DNTT: variants seen among roughly 807,000 people sequenced by gnomAD.
DNTT encodes the protein nucleosidetriphosphate:DNA deoxynucleotidylexotransferase.
Under a neutral mutation model 60.9 loss-of-function variants are expected in DNTT, and 47 were observed. The ratio of observed to expected loss-of-function variants is 0.77; its 90% CI spans 0.61 to 0.98. The LOEUF is 0.98. Ranked by LOEUF, DNTT falls within the 50% of genes least tolerant of loss-of-function variation. The pLI is 0.00. For synonymous variants in DNTT, 224 were observed against 221.2 expected (o/e 1.01, Z -0.11); for missense variants, 665 against 627.5 (o/e 1.06, Z -0.64).
chr10:96,334,745 G>A (rs1048720780), intron 9 of DNTT, among the ~76,000 whole-genome samples: 6 of 152,204 alleles, frequency 3.9e-5, no homozygotes, highest in Non-Finnish European at 7.3e-5. Context: ...CAACTTGTCT[G>A]ATAGACATAA....
chr10:96,304,613 T>C lies in DNTT; in HGVS notation c.116T>C (p.Ile39Thr). 6.2e-7 allele frequency: 1 copy of C among 1,614,158 alleles called. No individual in the cohort carries two copies. The highest frequency in any genetic ancestry group is 8.5e-7 in the Non-Finnish European group (1 of 1,179,998). ...AAATTTCAAGATTTGGTCGTCTTCA[T>C]TTTGGAGAAGAAAATGGGAACCACC... is the stretch of plus-strand genomic sequence containing the variant. ...DIKFQDLVVF[I>T]LEKKMGTTRR... is the part of the protein sequence containing the mutation. Residue 39 changes from isoleucine to threonine, a missense_variant, in exon 1 of 11, where the codon ATT (isoleucine) becomes ACT (threonine). Coordinates refer to ENST00000371174, the MANE Select transcript of DNTT (RefSeq NM_004088.4).
At chr10:96,325,611 C>T (rs1171495974) in intron 6 of DNTT, among the ~76,000 whole-genome samples, 1 of 152,158 alleles carries the variant, frequency 6.6e-6, no homozygotes, top group Non-Finnish European at 1.5e-5. Flanking sequence ...CTTTTCCAAC[C>T]CTTTGAATGA....
intron 4 of DNTT, among the ~76,000 whole-genome samples, chr10:96,321,066 G>A (rs1844866131): frequency 6.6e-6 from 1 of 152,042 alleles, no homozygotes; most frequent in Admixed American, 6.6e-5. Flanking sequence ...GTTAGTGGTG[G>A]CAGGTGTCAG....
At chr10:96,319,640 A>G (rs889627696) in intron 3 of DNTT, among the ~76,000 whole-genome samples, 7 of 152,222 alleles carry the variant, frequency 4.6e-5, no homozygotes, top group African/African-American at 1.7e-4. Context: ...CTATTTACAG[A>G]TAGTTGTCAT....
chr10:96,322,468 A>G (rs1024695639), intron 4 of DNTT, among the ~76,000 whole-genome samples, 189 bp from the exon 5 acceptor site: 2 of 152,326 alleles, frequency 1.3e-5, no homozygotes, highest in African/African-American at 2.4e-5. Flanking sequence ...CCTTGGATAT[A>G]TGATGAGCTA....
At chr10:96,309,803 G>A (rs111862796) in intron 1 of DNTT, among the ~76,000 whole-genome samples, 40 of 152,314 alleles carry the variant, frequency 2.6e-4, no homozygotes, top group African/African-American at 9.4e-4. Context: ...ATCACTGCCA[G>A]GAGAATGTCC....
intron 6 of DNTT, 106 bp downstream of exon 6, chr10:96,324,495 T>C: frequency 1.3e-6 from 2 of 1,483,028 alleles, no homozygotes; most frequent in Non-Finnish European, 1.8e-6. Context: ...CTGGGACACT[T>C]CTTTGATGTC....
intron 8 of DNTT, among the ~76,000 whole-genome samples, chr10:96,331,467 G>A (rs1461524017): frequency 6.6e-6 from 1 of 152,230 alleles, no homozygotes; most frequent in Admixed American, 6.5e-5. Context: ...AGAAGGCAAG[G>A]AAGAGCTGGC....
At position 96,304,508 on chromosome 10, in the gene DNTT, C is replaced by T. The variant is rs1270883900; in HGVS notation, c.11C>T (p.Pro4Leu). The T allele has an allele frequency of 6.2e-7, 1 of 1,613,546 alleles. No individual in the cohort carries two copies. The highest frequency in any genetic ancestry group is 1.3e-5 in the African/African-American group (1 of 74,892). MDPPRASHLSPRKK... is the reference protein window; with the variant it reads MDPLRASHLSPRKK... Reference sequence around the variant, plus strand: ...CAGCAGCCTCTTCCCATGGATCCACCACGAGCGTCCCACTTGAGCCCTCGG... The same window carrying T: ...CAGCAGCCTCTTCCCATGGATCCACTACGAGCGTCCCACTTGAGCCCTCGG... The change falls in exon 1 of 11, where the codon CCA (proline) becomes CTA (leucine). Residue 4 changes from proline (P) to leucine (L), a missense_variant. Pro to Leu is a moderately conservative substitution (Grantham distance 98). Coordinates refer to ENST00000371174, the MANE Select transcript of DNTT (RefSeq NM_004088.4).
chr10:96,319,180 C>T (rs1844830679), intron 2 of DNTT, 82 bp from the exon 3 acceptor site: 3 of 1,493,662 alleles, frequency 2.0e-6, no homozygotes, highest in South Asian at 1.4e-5. Context: ...CAACTACAGA[C>T]AACTACTTCC....
rs150206391 is a variant in DNTT, at chr10:96,335,437, A to G, written c.1360-454A>G. On this transcript the variant is annotated intron_variant, in intron 9 of 10. Transcript: ENST00000371174. ...GGGAGTCTGGATGACTTGACAGGAG[A>G]TGCACAGCCAGGTAGGGACAAAGTC... is the stretch of plus-strand genomic sequence containing the variant. 1.4e-4 allele frequency among the ~76,000 whole-genome samples: 21 copies of G among 152,278 alleles called. No homozygotes were observed. The East Asian group carries it at 3.5e-3, about 25-fold the overall frequency.
In DNTT at chr10:96,318,357, C is replaced by G; in HGVS notation, c.209C>G (p.Ser70Cys). 6.2e-7 allele frequency: 1 copy of G among 1,609,130 alleles called. No individual in the cohort carries two copies. Among genetic ancestry groups the G allele is most frequent in the Non-Finnish European group, 8.5e-7 (1 of 1,177,082 alleles). ...CTCTGTCTTGCATTTTGCAGTGATT[C>G]TGTCACCCACATCGTAGCAGAGAAC... ...GFRVENELSD[S>C]VTHIVAENNS... The change falls in exon 2 of 11, where the codon TCT becomes TGT. Residue 70 changes from serine (S) to cysteine (C), a missense_variant. Transcript: ENST00000371174.
In DNTT at chr10:96,304,606, G is replaced by A. The variant is rs112589253; in HGVS notation, c.109G>A (p.Val37Ile). The change falls in exon 1 of 11, where the codon GTC (valine) becomes ATC (isoleucine). Residue 37 changes from valine (V) to isoleucine (I), a missense_variant. Coordinates refer to ENST00000371174, the MANE Select transcript of DNTT (RefSeq NM_004088.4). Reference sequence around the variant, plus strand: ...AGACATCAAATTTCAAGATTTGGTCGTCTTCATTTTGGAGAAGAAAATGGG... The same window carrying A: ...AGACATCAAATTTCAAGATTTGGTCATCTTCATTTTGGAGAAGAAAATGGG... ...PQDIKFQDLV[V>I]FILEKKMGTT... The A allele has an allele frequency of 3.6e-4, 584 of 1,614,164 alleles. 3 individuals carry two copies. In the East Asian group the frequency reaches 8.0e-3, roughly 22 times the overall value.
intron 3 of DNTT, among the ~76,000 whole-genome samples, chr10:96,319,857 C>G (rs757006318): frequency 6.6e-6 from 1 of 152,190 alleles, no homozygotes; most frequent in Admixed American, 6.5e-5. Context: ...CTGAGCCTGT[C>G]TCCTCATCTA....
chr10:96,328,662 A>AT (rs1303253084), intron 7 of DNTT, 63 bp from the exon 8 acceptor site: 51 of 1,536,902 alleles, frequency 3.3e-5, no homozygotes, highest in Non-Finnish European at 4.4e-5. Flanking sequence ...AACAAAGGTG[A>AT]TTTTTTAAAA....
At chr10:96,322,898 G>T (rs570989373) in intron 5 of DNTT, among the ~76,000 whole-genome samples, 170 bp downstream of exon 5, 1 of 152,314 alleles carries the variant, frequency 6.6e-6, no homozygotes, top group Admixed American at 6.5e-5. Context: ...TGTCAGCAGG[G>T]TCAGTTTCTG....
At chr10:96,308,744 G>A (rs908474581) in intron 1 of DNTT, among the ~76,000 whole-genome samples, 5 of 152,188 alleles carry the variant, frequency 3.3e-5, no homozygotes, top group South Asian at 4.1e-4. Context: ...TGGGATAGGC[G>A]GTGGAGTTAG....
chr10:96,307,758 C>CATATAT (rs201864849), intron 1 of DNTT, among the ~76,000 whole-genome samples: 15 of 82,208 alleles, frequency 1.8e-4, no homozygotes, highest in African/African-American at 7.0e-4. Flanking sequence ...TGTGTGTGTG[C>CATATAT]ATATATATAT....
In DNTT at chr10:96,318,535, C is replaced by A; in HGVS notation, c.378+9C>A. ...GAAAACACCAGCTTGTTGTAAGTGT[C>A]ATGGGTGTGATTTTCACTGTTCTTT... On this transcript the variant is annotated intron_variant, in intron 2 of 10. Transcript: ENST00000371174. The A allele has an allele frequency of 6.2e-7, 1 of 1,611,660 alleles. No homozygotes were observed. The highest frequency in any genetic ancestry group is 1.1e-5 in the South Asian group (1 of 90,626).
Sources: allele counts gnomAD v4.1 joint callset (sites outside exome capture counted in the v4.1 genomes callset), GRCh38; gene constraint gnomAD v4.1.1; transcripts MANE v1.5; gene names NCBI Gene and HGNC (gene_info 2026-07-23, HGNC 2026-07-21).